Variants in CHODL observed in about 807,000 individuals in gnomAD.
The protein encoded by CHODL is chondrolectin.
In CHODL, 29 loss-of-function variants were observed where a neutral mutation model predicts 34.5. The observed-to-expected ratio is 0.84, with a 90% CI of 0.63 to 1.15. CHODL has a LOEUF of 1.15. CHODL is among the 50% of genes most tolerant of loss of function. The probability of loss-of-function intolerance (pLI) is 0.00; values close to 1 mark genes in which losing one functional copy is unlikely to be tolerated. For missense variants in CHODL, 332 were observed against 332.5 expected (o/e 1.00, Z 0.01); for synonymous variants, 125 against 116.1 (o/e 1.08, Z -0.49).
At chr21:18,200,685 A>G (rs2073641463) in intron 2 of CHODL, among the ~76,000 whole-genome samples, 1 of 152,190 alleles carries the variant, frequency 6.6e-6, no homozygotes, top group Non-Finnish European at 1.5e-5. Flanking sequence ...AGTGAGTTGA[A>G]TTGTGCATTC....
intron 1 of CHODL, chr21:18,246,053 C>CT (rs1272675314): frequency 3.2e-5 from 28 of 886,044 alleles, no homozygotes; most frequent in South Asian, 9.9e-5. Flanking sequence ...TTTGATTTTT[C>CT]TTTTTTTGAC....
At chr21:18,149,844 A>G (rs1055631488) in intron 2 of CHODL, among the ~76,000 whole-genome samples, 3 of 152,168 alleles carry the variant, frequency 2.0e-5, no homozygotes, top group South Asian at 2.1e-4. Context: ...CGCATAAACA[A>G]TAGAAAGGTA....
chr21:18,035,123 A>G (rs1003350616), intron 2 of CHODL, among the ~76,000 whole-genome samples: 7 of 151,858 alleles, frequency 4.6e-5, no homozygotes, highest in Non-Finnish European at 1.0e-4. Flanking sequence ...GCCTTTATAT[A>G]TGTCTGTATG....
At chr21:17,927,892 C>G (rs1030961600) in intron 1 of CHODL, among the ~76,000 whole-genome samples, 1 of 152,168 alleles carries the variant, frequency 6.6e-6, no homozygotes, top group East Asian at 1.9e-4. Context: ...CTTCCACCTA[C>G]GCAACACACA....
intron 1 of CHODL, among the ~76,000 whole-genome samples, chr21:18,002,597 T>C (rs1402750170): frequency 6.6e-6 from 1 of 152,198 alleles, no homozygotes; most frequent in Non-Finnish European, 1.5e-5. Context: ...GCTAGTTCTC[T>C]ATGAGCATAT....
chr21:18,040,810 T>TA (rs148245877), intron 2 of CHODL, among the ~76,000 whole-genome samples: 5,743 of 151,854 alleles, frequency 0.038, 292 homozygotes, highest in East Asian at 0.16. Flanking sequence ...TCGCAGGTGG[T>TA]AAAAAAATCA....
intron 1 of CHODL, among the ~76,000 whole-genome samples, chr21:17,936,502 G>A (rs926337059): frequency 2.6e-5 from 4 of 151,278 alleles, no homozygotes; most frequent in African/African-American, 9.7e-5. Context: ...GAGTCCATTT[G>A]GAAAATGTGG....
Position 18,111,428 on chromosome 21 carries a change from A to G in CHODL, c.-45+83457A>G, listed in dbSNP as rs1005675239. Among the ~76,000 whole-genome samples, 4 of 152,348 alleles carry G rather than the reference A, an allele frequency of 2.6e-5. No individual in the cohort carries two copies. The East Asian group carries it at 7.7e-4, about 29-fold the overall frequency. Reference sequence around the variant, plus strand: ...CAATGATGAGATTGTCGGCTACGCCAGCATGGGGATGGGACTCTACTAGTA... The same window carrying G: ...CAATGATGAGATTGTCGGCTACGCCGGCATGGGGATGGGACTCTACTAGTA... On this transcript the variant is annotated intron_variant, in intron 2 of 6. Coordinates refer to the CHODL transcript ENST00000400127.
chr21:18,060,535 G>A (rs207800), intron 2 of CHODL, among the ~76,000 whole-genome samples: 49,390 of 151,368 alleles, frequency 0.33, 9,902 homozygotes, highest in East Asian at 0.81. Context: ...GAAACTGGAA[G>A]CCTGGATATA....
intron 2 of CHODL, among the ~76,000 whole-genome samples, chr21:18,058,420 A>C (rs2064611442): frequency 6.6e-6 from 1 of 152,194 alleles, no homozygotes; most frequent in African/African-American, 2.4e-5. Context: ...TTGCAGCACT[A>C]TTCACATAGC....
At chr21:18,003,507 G>GTA (rs1256139954) in intron 1 of CHODL, among the ~76,000 whole-genome samples, 14 of 151,908 alleles carry the variant, frequency 9.2e-5, no homozygotes, top group Non-Finnish European at 1.9e-4. Flanking sequence ...CACTTCACAT[G>GTA]TATTGTTTCA....
At chr21:18,028,263 T>A (rs1171607256) in intron 2 of CHODL, among the ~76,000 whole-genome samples, 1 of 53,028 alleles carries the variant, frequency 1.9e-5, no homozygotes, top group African/African-American at 9.4e-5. Flanking sequence ...CTTTTCTTTT[T>A]CTTTTTCCTT....
At chr21:18,252,726 C>T (rs1568958578) in intron 1 of CHODL, among the ~76,000 whole-genome samples, 2 of 152,160 alleles carry the variant, frequency 1.3e-5, no homozygotes, top group African/African-American at 4.8e-5. Flanking sequence ...TAGATCTGAA[C>T]TGTTAGTGAC....
chr21:17,982,626 C>A (rs1435371884), intron 1 of CHODL, among the ~76,000 whole-genome samples: 2 of 151,046 alleles, frequency 1.3e-5, no homozygotes, highest in South Asian at 2.1e-4. Flanking sequence ...AAATAAGTCA[C>A]CCACAATTTC....
At chr21:18,127,721 T>G (rs2072593062) in intron 2 of CHODL, among the ~76,000 whole-genome samples, 1 of 142,588 alleles carries the variant, frequency 7.0e-6, no homozygotes, top group African/African-American at 2.6e-5. Flanking sequence ...CAGCAGTATT[T>G]ACTACTGCAC....
intron 2 of CHODL, among the ~76,000 whole-genome samples, chr21:18,204,856 A>G (rs1361701558): frequency 6.6e-6 from 1 of 152,132 alleles, no homozygotes; most frequent in Non-Finnish European, 1.5e-5. Context: ...TTCTTCATTC[A>G]TTTATGGGTA....
At chr21:18,210,750 A>G (rs1480496837) in intron 2 of CHODL, among the ~76,000 whole-genome samples, 1 of 152,202 alleles carries the variant, frequency 6.6e-6, no homozygotes, top group Non-Finnish European at 1.5e-5. Flanking sequence ...TCTCCTAATC[A>G]TGAACTACTA....
chr21:18,256,855 G>T (rs761685850), intron 2 of CHODL, 37 bp downstream of exon 2: 1 of 1,593,598 alleles, frequency 6.3e-7, no homozygotes, highest in Non-Finnish European at 8.6e-7. Context: ...AGGTGCTCTG[G>T]GGAACTCCAA....
chr21:18,247,354 TACAACA>T (rs761756512), intron 1 of CHODL, among the ~76,000 whole-genome samples: 1 of 152,124 alleles, frequency 6.6e-6, no homozygotes, highest in African/African-American at 2.4e-5. Flanking sequence ...TAAATTTCAG[TACAACA>T]ATTTATAATT....
Sources: allele counts gnomAD v4.1 joint callset (sites outside exome capture counted in the v4.1 genomes callset), GRCh38; gene constraint gnomAD v4.1.1; transcripts MANE v1.5; gene names NCBI Gene and HGNC (gene_info 2026-07-23, HGNC 2026-07-21).